The following SUGCT variants were observed in gnomAD, a reference collection of about 807,000 sequenced individuals.
SUGCT encodes the protein succinyl-CoA:glutarate-CoA transferase.
SUGCT carries 41 observed loss-of-function variants against 55.0 expected under a neutral mutation model. The observed-to-expected ratio is 0.74, with a 90% CI of 0.58 to 0.97. The LOEUF (loss-of-function observed/expected upper bound fraction) is 0.97. Among genes scored for constraint, SUGCT ranks in the 50% least tolerant of loss-of-function variants. The pLI, the probability that SUGCT is intolerant of heterozygous loss-of-function variation, is 0.00. For synonymous variants in SUGCT, 187 were observed against 200.4 expected, an observed-to-expected ratio of 0.93 and a Z score of 0.56; for missense variants, 568 against 547.8, an observed-to-expected ratio of 1.04 and a Z score of -0.37.
intron 13 of SUGCT, among the ~76,000 whole-genome samples, chr7:40,805,801 C>T (rs772651311): frequency 7.2e-5 from 11 of 152,190 alleles, no homozygotes; most frequent in African/African-American, 1.2e-4. Context: ...ACAAATTTCA[C>T]GTTCCTGTAA....
chr7:40,599,853 A>G (rs1032109850), intron 12 of SUGCT, among the ~76,000 whole-genome samples: 3 of 152,086 alleles, frequency 2.0e-5, no homozygotes, highest in African/African-American at 7.2e-5. Context: ...TGGGAGTGCT[A>G]TATGGATACT....
At chr7:40,700,664 T>A (rs941270044) in intron 12 of SUGCT, among the ~76,000 whole-genome samples, 3 of 152,190 alleles carry the variant, frequency 2.0e-5, no homozygotes, top group African/African-American at 7.2e-5. Context: ...TGGTTTTATA[T>A]CTAAGTATCA....
At chr7:40,348,224 C>T (rs779022217) in intron 9 of SUGCT, among the ~76,000 whole-genome samples, 13 of 152,090 alleles carry the variant, frequency 8.5e-5, no homozygotes, top group African/African-American at 2.2e-4. Context: ...CTGGGGTGGG[C>T]GGTGTGGTTA....
chr7:40,782,019 TGGGTGATAAGATTTTG>T (rs1789776344), intron 13 of SUGCT, among the ~76,000 whole-genome samples: 1 of 152,154 alleles, frequency 6.6e-6, no homozygotes, highest in Non-Finnish European at 1.5e-5. Context: ...TAATTCTTCC[TGGGTGATAAGATTTTG>T]GGTAATTTTT....
intron 12 of SUGCT, among the ~76,000 whole-genome samples, chr7:40,659,403 G>T (rs1003318051): frequency 6.6e-6 from 1 of 152,062 alleles, no homozygotes; most frequent in East Asian, 1.9e-4. Context: ...CTCTCCATGC[G>T]TGCCTATTAG....
intron 3 of SUGCT, among the ~76,000 whole-genome samples, chr7:40,183,285 A>G (rs1785320845): frequency 1.3e-5 from 2 of 152,146 alleles, no homozygotes. Context: ...AAACAAACAA[A>G]CAAACAAACA....
intron 9 of SUGCT, among the ~76,000 whole-genome samples, chr7:40,378,217 TCTC>T (rs56127444): frequency 0.11 from 16,874 of 151,564 alleles, 1,365 homozygotes; most frequent in East Asian, 0.48. Flanking sequence ...CCTTCTCTCT[TCTC>T]CTCTTTTTTT....
At chr7:40,857,005 A>G (rs1794205849) in intron 13 of SUGCT, among the ~76,000 whole-genome samples, 1 of 152,168 alleles carries the variant, frequency 6.6e-6, no homozygotes. Context: ...CCACCCTTCA[A>G]TAGGTATTGC....
chr7:40,186,217 T>TCTCCCCTCCC (rs1471121506), intron 3 of SUGCT, among the ~76,000 whole-genome samples: 1 of 93,904 alleles, frequency 1.1e-5, no homozygotes. Context: ...CCTTCCCTCC[T>TCTCCCCTCCC]CTCCCCTCCC....
At chr7:40,927,336 T>G in the SUGCT span, among the ~76,000 whole-genome samples, 1 of 152,202 alleles carries the variant, frequency 6.6e-6, no homozygotes, top group Admixed American at 6.5e-5. Flanking sequence ...TTGTCTTGCC[T>G]TGCTCTTGTG....
intron 12 of SUGCT, among the ~76,000 whole-genome samples, chr7:40,575,804 G>T (rs1443914414): frequency 6.6e-6 from 1 of 152,062 alleles, no homozygotes; most frequent in African/African-American, 2.4e-5. Context: ...AATTAGCCGG[G>T]TGTGGTGGCA....
chr7:40,943,761 G>A, the SUGCT span, among the ~76,000 whole-genome samples: 4 of 152,026 alleles, frequency 2.6e-5, no homozygotes, highest in Admixed American at 2.6e-4. Flanking sequence ...TGTCTTTATA[G>A]CAGCGTGATT....
At chr7:40,619,481 A>C (rs1002308145) in intron 12 of SUGCT, among the ~76,000 whole-genome samples, 9 of 152,182 alleles carry the variant, frequency 5.9e-5, no homozygotes, top group African/African-American at 2.2e-4. Context: ...TTATATTAAA[A>C]TCTAAATGAA....
At position 40,449,365 on chromosome 7, in the gene SUGCT, T is replaced by C. The variant is rs1789062533; in HGVS notation, c.888+7T>C. 1 of 1,602,050 alleles carries C rather than the reference T, an allele frequency of 6.2e-7. No individual in the cohort carries two copies. Among genetic ancestry groups the C allele is most frequent in the African/African-American group, 1.3e-5 (1 of 74,818 alleles). Reference sequence around the variant, plus strand: ...GTTTGCCACCGTCTGCAAGGTAATCTATAATTATTGGGATTGGTCGATGAT... The same window carrying C: ...GTTTGCCACCGTCTGCAAGGTAATCCATAATTATTGGGATTGGTCGATGAT... On this transcript the variant is annotated splice_region_variant and intron_variant, in intron 10 of 13. Coordinates refer to ENST00000335693, the MANE Select transcript of SUGCT (RefSeq NM_001193313.2).
the SUGCT span, among the ~76,000 whole-genome samples, chr7:40,923,434 A>G: frequency 7.0e-3 from 1,065 of 152,308 alleles, 11 homozygotes; most frequent in African/African-American, 0.024. Context: ...ATCATTAACC[A>G]TGGTTTTGCA....
At chr7:40,665,728 G>A (rs1481338084) in intron 12 of SUGCT, among the ~76,000 whole-genome samples, 6 of 152,154 alleles carry the variant, frequency 3.9e-5, no homozygotes, top group Admixed American at 2.0e-4. Flanking sequence ...ATTGGGGAAC[G>A]GAGGCAGTGA....
At chr7:40,740,035 A>C (rs941328554) in intron 12 of SUGCT, among the ~76,000 whole-genome samples, 6 of 152,166 alleles carry the variant, frequency 3.9e-5, no homozygotes, top group Non-Finnish European at 7.4e-5. Flanking sequence ...CATCCAGTCC[A>C]TGAACATAGT....
intron 6 of SUGCT, among the ~76,000 whole-genome samples, chr7:40,222,027 A>C (rs143083418): frequency 2.6e-5 from 4 of 152,222 alleles, no homozygotes; most frequent in African/African-American, 9.6e-5. Context: ...CAGTTCTGCA[A>C]ATATTTCCTG....
the SUGCT span, among the ~76,000 whole-genome samples, chr7:40,943,469 C>T: frequency 4.5e-5 from 6 of 132,342 alleles, no homozygotes; most frequent in African/African-American, 1.7e-4. Context: ...TGTGATGTTC[C>T]CCTTCCTGTG....
Sources: gnomAD v4.1 joint callset for allele counts (sites outside exome capture counted in the v4.1 genomes callset) on GRCh38, gnomAD v4.1.1 for gene constraint, MANE v1.5 for transcripts, NCBI Gene and HGNC (gene_info 2026-07-23, HGNC 2026-07-21) for gene names.